Variants in UBR2 observed in about 807,000 individuals in gnomAD.
UBR2 encodes the protein E3 ubiquitin-protein ligase UBR2.
In UBR2, 92 loss-of-function variants were observed where a neutral mutation model predicts 247.9. The observed-to-expected ratio is 0.37, with a 90% CI of 0.31 to 0.44. UBR2 has a LOEUF of 0.44. Among genes scored for constraint, UBR2 ranks in the 20% least tolerant of loss-of-function variants. UBR2 has a pLI of 1.00. For synonymous variants in UBR2, 672 were observed against 693.5 expected, an observed-to-expected ratio of 0.97 and a Z score of 0.49; for missense variants, 1,613 against 2,112.6, an observed-to-expected ratio of 0.76 and a Z score of 4.64.
At chr6:42,617,326 C>T (rs748799214) in intron 10 of UBR2, 83 bp from the exon 11 acceptor site, 24 of 1,613,932 alleles carry the variant, frequency 1.5e-5, no homozygotes, top group Admixed American at 8.3e-5. Flanking sequence ...AGTTCTTCAC[C>T]GCACCTACTC....
chr6:42,573,309 G>A (rs1201146013), intron 1 of UBR2, among the ~76,000 whole-genome samples: 2 of 152,102 alleles, frequency 1.3e-5, no homozygotes, highest in South Asian at 4.2e-4. Context: ...GTACATATTG[G>A]CTGTTCATAT....
At chr6:42,579,494 G>A (rs1450675973) in intron 2 of UBR2, among the ~76,000 whole-genome samples, 1 of 152,128 alleles carries the variant, frequency 6.6e-6, no homozygotes, top group Non-Finnish European at 1.5e-5. Flanking sequence ...CCAGAGATTG[G>A]AATCAATGTT....
chr6:42,565,235 A>G (rs1344321980), intron 1 of UBR2, among the ~76,000 whole-genome samples: 2 of 152,234 alleles, frequency 1.3e-5, no homozygotes, highest in Non-Finnish European at 2.9e-5. Context: ...TGTAAATAGC[A>G]GAGTTGTAGG....
At chr6:42,677,109 C>G (rs948431923) in intron 40 of UBR2, among the ~76,000 whole-genome samples, 1 of 152,152 alleles carries the variant, frequency 6.6e-6, no homozygotes, top group Non-Finnish European at 1.5e-5. Flanking sequence ...CTGTGGAACC[C>G]TTCATTTGCT....
At position 42,612,294 on chromosome 6, in the gene UBR2, A is replaced by G. The variant is rs753065786; in HGVS notation, c.985+3A>G. 3.3e-6 allele frequency: 5 copies of G among 1,498,300 alleles called. No homozygotes were observed. The Admixed American group carries it at 5.2e-5, about 16-fold the overall frequency. 92.8% of individuals were successfully genotyped at this position (1,498,300 alleles called of 1,614,324 possible). On this transcript the variant is annotated splice_donor_region_variant and intron_variant, in intron 8 of 46. Transcript: ENST00000372901. ...GGGAAGTATTATTGGATATTCAGGT[A>G]GGTTCATAAAAGTTCATGCCAATTG...
chr6:42,611,722 A>G (rs1394622524), intron 7 of UBR2, among the ~76,000 whole-genome samples: 3 of 151,828 alleles, frequency 2.0e-5, no homozygotes, highest in African/African-American at 4.8e-5. Context: ...CCTGGCTAAC[A>G]TAGTGAAACC....
In UBR2 at chr6:42,658,826, T is replaced by TA. The variant is rs35416750; in HGVS notation, c.3242+22dup. On this transcript the variant is annotated splice_region_variant and intron_variant, in intron 29 of 46. Coordinates refer to ENST00000372901, the MANE Select transcript of UBR2 (RefSeq NM_001363705.2). ...AACCTCTGCTGTTCTTGATCATAGG[T>TA]AAAAAAAAAAAAAAAAAAAATTAAT... 0.19 allele frequency: 239,765 copies of TA among 1,267,216 alleles called. 4,527 individuals carry two copies. Among genetic ancestry groups the TA allele is most frequent in the East Asian group, 0.25 (7,836 of 31,902 alleles). The allele number at this position is 1,267,216 out of a possible 1,614,324, so 78.5% of individuals were successfully genotyped here.
chr6:42,586,026 C>T (rs1792232788), intron 2 of UBR2, among the ~76,000 whole-genome samples: 1 of 152,036 alleles, frequency 6.6e-6, no homozygotes, highest in South Asian at 2.1e-4. Context: ...TTATTTCTAA[C>T]AAAATTACAC....
chr6:42,578,958 A>AACAAACAC (rs1415279279), intron 2 of UBR2, among the ~76,000 whole-genome samples: 160 of 116,370 alleles, frequency 1.4e-3, no homozygotes, highest in African/African-American at 5.8e-3. Context: ...CCATCTCAAA[A>AACAAACAC]ACACACACAC....
chr6:42,598,873 T>C (rs1338294174), intron 4 of UBR2, among the ~76,000 whole-genome samples: 1 of 152,228 alleles, frequency 6.6e-6, no homozygotes, highest in Non-Finnish European at 1.5e-5. Flanking sequence ...TTTATTTTCC[T>C]ATCTTTATTT....
In UBR2 at chr6:42,615,114, G is replaced by T. The variant is rs746003692; in HGVS notation, c.1029G>T (p.Gly343=). 6.2e-7 allele frequency: 1 copy of T among 1,613,622 alleles called. No individual in the cohort carries two copies. Among genetic ancestry groups the T allele is most frequent in the Non-Finnish European group, 8.5e-7 (1 of 1,179,834 alleles). ...RILCQVGLQE[G]PDGENSSLVD... ...TATGTCAAGTTGGTTTACAAGAAGG[G>T]CCAGATGGTGAAAACTCTTCTCTAG... Residue 343 remains glycine, a synonymous_variant, in exon 9 of 47, where the codon GGG becomes GGT. Coordinates refer to ENST00000372901, the MANE Select transcript of UBR2 (RefSeq NM_001363705.2).
intron 16 of UBR2, among the ~76,000 whole-genome samples, chr6:42,640,647 C>CT (rs1275951981): frequency 6.6e-6 from 1 of 152,090 alleles, no homozygotes. Context: ...GGACGTCAGT[C>CT]TTTTCTCAAG....
intron 39 of UBR2, 57 bp downstream of exon 39, chr6:42,676,248 T>TA (rs1798714983): frequency 6.7e-7 from 1 of 1,492,130 alleles, no homozygotes. Context: ...TTCTGAGTTT[T>TA]AAAAAAAGTA....
At chr6:42,644,986 T>C (rs142295553) in intron 20 of UBR2, among the ~76,000 whole-genome samples, 89 of 152,262 alleles carry the variant, frequency 5.8e-4, no homozygotes, top group African/African-American at 2.1e-3. Context: ...TCTTCCCTTA[T>C]TACCTATATT....
intron 44 of UBR2, 135 bp from the exon 45 acceptor site, chr6:42,688,081 T>C: frequency 1.1e-6 from 1 of 933,132 alleles, no homozygotes; most frequent in Non-Finnish European, 1.7e-6. Flanking sequence ...AGGAATAAAC[T>C]TGCATAGACT....
chr6:42,614,205 A>AAAAAAAAT lies in UBR2; in HGVS notation c.986-866_986-865insAAAAAAAT, dbSNP rs1562310782. Among the ~76,000 whole-genome samples, 11 of 26,602 alleles carry AAAAAAAAT rather than the reference A, an allele frequency of 4.1e-4. 1 individual carries two copies. Among genetic ancestry groups the AAAAAAAAT allele is most frequent in the East Asian group, 9.5e-4 (1 of 1,048 alleles). 17.5% of individuals were successfully genotyped at this position (26,602 alleles called of 152,430 possible). A position where few individuals can be genotyped will look rare whatever the true frequency, so the allele number is the denominator to read the frequency against. ...AAAAAAAAAAAAAAAAAAAAAAAAAACTATATATATATACACACACACACA... is the reference window on the plus strand; with the variant it reads ...AAAAAAAAAAAAAAAAAAAAAAAAAAAAAAAAATCTATATATATATACACACACACACA... On this transcript the variant is annotated intron_variant, in intron 8 of 46. Coordinates refer to ENST00000372901, the MANE Select transcript of UBR2 (RefSeq NM_001363705.2).
chr6:42,567,506 A>G lies in UBR2; in HGVS notation c.78+3109A>G, dbSNP rs369222201. On this transcript the variant is annotated intron_variant, in intron 1 of 46. Coordinates refer to ENST00000372901, the MANE Select transcript of UBR2 (RefSeq NM_001363705.2). ...AGCACTTTGGGAGGCCAAGGAGGGCAGATCACAAGGTCAAGAGATAGAGAC... is the reference window on the plus strand; with the variant it reads ...AGCACTTTGGGAGGCCAAGGAGGGCGGATCACAAGGTCAAGAGATAGAGAC... Among the ~76,000 whole-genome samples, 32 of 152,050 alleles carry G rather than the reference A, an allele frequency of 2.1e-4. 1 individual carries two copies. The East Asian group carries it at 2.9e-3, about 14-fold the overall frequency.
rs1292539202 is a variant in UBR2 at position 42,665,478 on chromosome 6, A to G, written c.3768A>G (p.Ala1256=). The part of the protein sequence containing the change: ...WIRTISQQIK[A]LQFLRKEEST... ...GAACAATATCTCAGCAAATAAAAGC[A>G]TTACAGTTTCTTAGGAAAGAAGAAA... Residue 1256 remains alanine, a synonymous_variant, in exon 33 of 47, where the codon GCA becomes GCG. Coordinates refer to ENST00000372901, the MANE Select transcript of UBR2 (RefSeq NM_001363705.2). 1.9e-6 allele frequency: 3 copies of G among 1,612,978 alleles called. No homozygotes were observed. In the South Asian group the frequency reaches 3.3e-5, roughly 18 times the overall value.
chr6:42,594,593 C>T (rs1212095169), intron 4 of UBR2, among the ~76,000 whole-genome samples: 1 of 152,092 alleles, frequency 6.6e-6, no homozygotes, highest in Non-Finnish European at 1.5e-5. Context: ...GATTATTTTT[C>T]CCATATGTGT....
Sources: allele counts gnomAD v4.1 joint callset (sites outside exome capture counted in the v4.1 genomes callset), GRCh38; gene constraint gnomAD v4.1.1; transcripts MANE v1.5; gene names NCBI Gene and HGNC (gene_info 2026-07-23, HGNC 2026-07-21).